ARHGAP6: variants seen among roughly 807,000 people sequenced by gnomAD.
The protein encoded by ARHGAP6 is Rho GTPase activating protein 6.
ARHGAP6 carries 16 observed loss-of-function variants against 55.7 expected under a neutral mutation model. The observed-to-expected ratio is 0.29, with a 90% CI of 0.19 to 0.44. The LOEUF (loss-of-function observed/expected upper bound fraction) is 0.44. Among genes scored for constraint, ARHGAP6 ranks in the 20% least tolerant of loss-of-function variants. The pLI is 1.00. For synonymous variants in ARHGAP6, 382 were observed against 360.9 expected (o/e 1.06, Z -0.66); for missense variants, 698 against 808.9 (o/e 0.86, Z 1.66).
chrX:11,487,567 C>T (rs1243153737), intron 1 of ARHGAP6, among the ~76,000 whole-genome samples: 2 of 112,050 alleles, frequency 1.8e-5, no homozygotes, highest in Admixed American at 1.9e-4. Context: ...TATGTCCATG[C>T]AATATTAAGC....
intron 1 of ARHGAP6, among the ~76,000 whole-genome samples, chrX:11,468,658 A>G (rs1205690708): frequency 8.9e-6 from 1 of 112,735 alleles, no homozygotes; most frequent in Non-Finnish European, 1.9e-5. Flanking sequence ...AATATCTGAA[A>G]TGACTTCTAG....
chrX:11,573,452 C>G (rs2051554613), intron 1 of ARHGAP6, among the ~76,000 whole-genome samples: 1 of 110,232 alleles, frequency 9.1e-6, no homozygotes, highest in African/African-American at 3.3e-5. Context: ...AATCCTTTCC[C>G]CGTTGCTTGT....
chrX:11,653,218 G>A (rs773479340), intron 1 of ARHGAP6, among the ~76,000 whole-genome samples: 6 of 112,286 alleles, frequency 5.3e-5, no homozygotes, highest in Middle Eastern at 4.6e-3. Context: ...ATGCAATGAA[G>A]TTACCATGTA....
At chrX:11,658,352 T>G (rs1321927769) in intron 1 of ARHGAP6, among the ~76,000 whole-genome samples, 2 of 111,771 alleles carry the variant, frequency 1.8e-5, no homozygotes, top group Non-Finnish European at 3.8e-5. Flanking sequence ...AGCAGAGAGA[T>G]AGCCTGAGAG....
chrX:11,206,693 A>C (rs1019528918), intron 2 of ARHGAP6, among the ~76,000 whole-genome samples: 3 of 111,542 alleles, frequency 2.7e-5, no homozygotes, highest in African/African-American at 9.8e-5. Flanking sequence ...TAATTACAAG[A>C]AGCAGCTCAT....
At chrX:11,253,020 ACTG>A (rs1239353026) in intron 2 of ARHGAP6, among the ~76,000 whole-genome samples, 2 of 111,846 alleles carry the variant, frequency 1.8e-5, no homozygotes, top group Non-Finnish European at 3.8e-5. Flanking sequence ...AGCCAAGAGA[ACTG>A]CACCACTGGC....
At position 11,137,692 on chromosome X, in the gene ARHGAP6, A is replaced by AC. The variant is rs2147260214; in HGVS notation, c.*1170_*1171insG. On this transcript the variant is annotated 3_prime_UTR_variant, in exon 13 of 13. Coordinates refer to ENST00000337414, the MANE Select transcript of ARHGAP6 (RefSeq NM_013427.3). ...ATAATACACTTTCCCTTCAGAAGTG[A>AC]AAAAAAATTGCATAAAATACTGAAG... The AC allele has an allele frequency of 1.3e-5, 1 of 74,180 alleles. No individual in the cohort carries two copies. Among genetic ancestry groups the AC allele is most frequent in the East Asian group, 2.8e-4 (1 of 3,537 alleles). The allele number at this position is 74,180 out of a possible 1,213,427, so 6.1% of individuals were successfully genotyped here.
At chrX:11,490,879 T>A (rs1217155333) in intron 1 of ARHGAP6, among the ~76,000 whole-genome samples, 1 of 112,588 alleles carries the variant, frequency 8.9e-6, no homozygotes, top group Non-Finnish European at 1.9e-5. Flanking sequence ...TCATAGTATA[T>A]CAACATTGAA....
At chrX:11,218,071 A>C (rs1311840238) in intron 2 of ARHGAP6, among the ~76,000 whole-genome samples, 1 of 111,641 alleles carries the variant, frequency 9.0e-6, no homozygotes, top group African/African-American at 3.3e-5. Context: ...ATTGGTCTAT[A>C]TATCTGTTTT....
At position 11,614,178 on chromosome X, in the gene ARHGAP6, C is replaced by T. The variant is rs369217350; in HGVS notation, c.588+50063G>A. 1.3e-4 allele frequency among the ~76,000 whole-genome samples: 15 copies of T among 111,847 alleles called. No individual in the cohort carries two copies. The South Asian group carries it at 5.0e-3, about 37-fold the overall frequency. Reference sequence around the variant, plus strand: ...CATGTGGCACACAAGCAGGATCACACCCCTATACCTCTCAGAAACTCTTAC... The same window carrying T: ...CATGTGGCACACAAGCAGGATCACATCCCTATACCTCTCAGAAACTCTTAC... On this transcript the variant is annotated intron_variant, in intron 1 of 12. Coordinates refer to ENST00000337414, the MANE Select transcript of ARHGAP6 (RefSeq NM_013427.3).
chrX:11,362,508 G>C (rs1603131023), intron 1 of ARHGAP6, among the ~76,000 whole-genome samples: 1 of 109,736 alleles, frequency 9.1e-6, no homozygotes, highest in Non-Finnish European at 1.9e-5. Flanking sequence ...ACTGTTGTGG[G>C]GTGGCGGAAG....
At chrX:11,631,285 G>T (rs1487421508) in intron 1 of ARHGAP6, among the ~76,000 whole-genome samples, 3 of 111,135 alleles carry the variant, frequency 2.7e-5, no homozygotes, top group Non-Finnish European at 3.8e-5. Context: ...AGCATTCTGG[G>T]AGGCCGAGCC....
At chrX:11,487,752 G>A (rs1383640786) in intron 1 of ARHGAP6, among the ~76,000 whole-genome samples, 1 of 111,742 alleles carries the variant, frequency 8.9e-6, no homozygotes, top group African/African-American at 3.3e-5. Flanking sequence ...CCACTGAATA[G>A]AATAGGAATC....
rs556816298 is a variant in ARHGAP6, at chrX:11,357,674, C to T, written c.589-102967G>A. Among the ~76,000 whole-genome samples the T allele has an allele frequency of 5.4e-5, 6 of 111,481 alleles. No individual in the cohort carries two copies. In the South Asian group the frequency reaches 2.3e-3, roughly 42 times the overall value. On this transcript the variant is annotated intron_variant, in intron 1 of 12. Coordinates refer to ENST00000337414, the MANE Select transcript of ARHGAP6 (RefSeq NM_013427.3). ...GTCTCTCTGGCCAGCTGCAAAGATT[C>T]TGCCTTTGTGAGAGATGACATCACC...
chrX:11,410,808 A>G (rs949981129), intron 1 of ARHGAP6, among the ~76,000 whole-genome samples: 3 of 110,865 alleles, frequency 2.7e-5, no homozygotes, highest in African/African-American at 9.8e-5. Flanking sequence ...GATTGCTATG[A>G]GACTAAAATT....
At chrX:11,256,115 C>T (rs1335804922) in intron 1 of ARHGAP6, among the ~76,000 whole-genome samples, 2 of 112,390 alleles carry the variant, frequency 1.8e-5, no homozygotes, top group South Asian at 3.7e-4. Context: ...CTCGCCTGGA[C>T]GTGGTGGCTC....
intron 9 of ARHGAP6, among the ~76,000 whole-genome samples, chrX:11,165,470 C>T (rs1337419964): frequency 9.0e-6 from 1 of 111,687 alleles, no homozygotes; most frequent in Admixed American, 9.5e-5. Flanking sequence ...CACCCAAACA[C>T]GCTTTGATAG....
chrX:11,576,536 A>G (rs1314953650), intron 1 of ARHGAP6, among the ~76,000 whole-genome samples: 1 of 111,895 alleles, frequency 8.9e-6, no homozygotes, highest in Non-Finnish European at 1.9e-5. Flanking sequence ...AACATCAAGC[A>G]TATAAAAGGG....
At chrX:11,198,423 A>T (rs1158441493) in intron 2 of ARHGAP6, among the ~76,000 whole-genome samples, 1 of 112,016 alleles carries the variant, frequency 8.9e-6, no homozygotes, top group Non-Finnish European at 1.9e-5. Flanking sequence ...GCCTGTCATG[A>T]CTTATTACAC....
Sources: gnomAD v4.1 joint callset for allele counts (sites outside exome capture counted in the v4.1 genomes callset) on GRCh38, gnomAD v4.1.1 for gene constraint, MANE v1.5 for transcripts, NCBI Gene and HGNC (gene_info 2026-07-23, HGNC 2026-07-21) for gene names.